The following KALRN variants were observed in gnomAD, a reference collection of about 807,000 sequenced individuals.
KALRN encodes kalirin.
Under a neutral mutation model 353.7 loss-of-function variants are expected in KALRN, and 70 were observed. The ratio of observed to expected loss-of-function variants is 0.20; its 90% CI spans 0.16 to 0.24. KALRN has a LOEUF of 0.24. KALRN is among the 10% of genes least tolerant of loss of function. The probability of loss-of-function intolerance (pLI) is 1.00; values close to 1 mark genes in which losing one functional copy is unlikely to be tolerated. For synonymous variants in KALRN, 1,391 were observed against 1,434.8 expected, an observed-to-expected ratio of 0.97 and a Z score of 0.69; for missense variants, 2,791 against 3,756.7, an observed-to-expected ratio of 0.74 and a Z score of 6.72.
At chr3:124,062,085 T>G (rs1169955706) in intron 1 of KALRN, among the ~76,000 whole-genome samples, 1 of 152,154 alleles carries the variant, frequency 6.6e-6, no homozygotes, top group African/African-American at 2.4e-5. Flanking sequence ...CTCAGGCAAT[T>G]TATTTGCACA....
chr3:124,142,923 C>G (rs144487117), intron 1 of KALRN, among the ~76,000 whole-genome samples: 343 of 152,206 alleles, frequency 2.3e-3, no homozygotes, highest in African/African-American at 7.6e-3. Flanking sequence ...GCTATCACCC[C>G]ACAAATGCCT....
rs763769483 is a variant in KALRN, at chr3:124,674,603, C to T, written c.7182C>T (p.Asp2394=). The part of the protein sequence containing the change: ...LTKATAAESS[D]GSIKKSCSWH... ...AAGCCACAGCAGCAGAAAGTAGTGA[C>T]GGGAGCATCAAGTAAGTGCCTCGTT... is the stretch of plus-strand genomic sequence containing the variant. The change falls in exon 49 of 60, where the codon GAC becomes GAT. Residue 2394 remains aspartate (D), a synonymous_variant. Coordinates refer to ENST00000682506, the MANE Select transcript of KALRN (RefSeq NM_001388419.1). The T allele has an allele frequency of 8.2e-6, 13 of 1,589,542 alleles. No individual in the cohort carries two copies. The highest frequency in any genetic ancestry group is 2.3e-5 in the South Asian group (2 of 87,796).
intron 3 of KALRN, among the ~76,000 whole-genome samples, chr3:124,254,028 C>T (rs1364314546): frequency 1.4e-5 from 2 of 143,396 alleles, no homozygotes; most frequent in African/African-American, 5.2e-5. Context: ...GGTGGCATCA[C>T]ATGAGTGGGG....
At chr3:124,563,537 C>G (rs1040602587) in intron 34 of KALRN, among the ~76,000 whole-genome samples, 3 of 152,198 alleles carry the variant, frequency 2.0e-5, no homozygotes, top group Non-Finnish European at 4.4e-5. Context: ...CAGGCACACC[C>G]AGGGAGGAGC....
intron 1 of KALRN, among the ~76,000 whole-genome samples, chr3:124,034,714 G>A (rs554678314): frequency 9.7e-4 from 148 of 152,002 alleles, no homozygotes; most frequent in African/African-American, 3.4e-3. Context: ...GGGATTCCCC[G>A]TCTCCCTGTA....
intron 37 of KALRN, among the ~76,000 whole-genome samples, chr3:124,647,109 G>A (rs2082855237): frequency 6.6e-6 from 1 of 151,880 alleles, no homozygotes; most frequent in Non-Finnish European, 1.5e-5. Flanking sequence ...GTCTCACTAT[G>A]TTGCCCAGGC....
intron 34 of KALRN, chr3:124,584,977 G>C: frequency 7.3e-7 from 1 of 1,375,124 alleles, no homozygotes; most frequent in Non-Finnish European, 9.9e-7. Context: ...AGGGAGGGTG[G>C]TAGGGAGGGA....
At chr3:124,113,349 C>CT (rs960843011) in intron 1 of KALRN, among the ~76,000 whole-genome samples, 1 of 152,130 alleles carries the variant, frequency 6.6e-6, no homozygotes, top group Non-Finnish European at 1.5e-5. Context: ...TGCCTAAAAT[C>CT]TAACTTTTGG....
intron 34 of KALRN, among the ~76,000 whole-genome samples, chr3:124,618,557 C>T (rs1202490140): frequency 6.6e-6 from 1 of 152,094 alleles, no homozygotes. Context: ...ATTACTAGGG[C>T]TGAACTTGTT....
intron 6 of KALRN, among the ~76,000 whole-genome samples, chr3:124,308,641 A>G (rs34666694): frequency 0.02 from 3,070 of 152,056 alleles, 41 homozygotes; most frequent in South Asian, 0.061. Flanking sequence ...GACACATCAT[A>G]CCACAACTTA....
At chr3:124,388,050 A>G (rs1450090596) in intron 11 of KALRN, among the ~76,000 whole-genome samples, 1 of 152,094 alleles carries the variant, frequency 6.6e-6, no homozygotes, top group Non-Finnish European at 1.5e-5. Context: ...ATGCACATAT[A>G]TGTGTACACA....
intron 34 of KALRN, among the ~76,000 whole-genome samples, chr3:124,631,326 C>T (rs1235529285): frequency 6.6e-6 from 1 of 152,176 alleles, no homozygotes; most frequent in African/African-American, 2.4e-5. Flanking sequence ...CTCCCCTGAG[C>T]TCCAGACTTG....
At chr3:124,226,960 G>A (rs1332925634) in intron 1 of KALRN, among the ~76,000 whole-genome samples, 1 of 152,164 alleles carries the variant, frequency 6.6e-6, no homozygotes, top group Non-Finnish European at 1.5e-5. Flanking sequence ...ACACATAACA[G>A]AGACCCCAGT....
chr3:124,100,035 G>A (rs930057204), intron 1 of KALRN, among the ~76,000 whole-genome samples: 17 of 152,078 alleles, frequency 1.1e-4, no homozygotes, highest in East Asian at 7.7e-4. Flanking sequence ...ATGGCAGTGC[G>A]CACCTGTAAT....
chr3:124,608,981 G>A (rs1176351361), intron 34 of KALRN, among the ~76,000 whole-genome samples: 2 of 152,182 alleles, frequency 1.3e-5, no homozygotes, highest in Admixed American at 6.5e-5. Context: ...TACCATGAAA[G>A]GTACCTTAGC....
intron 34 of KALRN, among the ~76,000 whole-genome samples, chr3:124,630,437 C>A (rs2080639304): frequency 6.6e-6 from 1 of 152,100 alleles, no homozygotes; most frequent in African/African-American, 2.4e-5. Context: ...CCCTCTGTCA[C>A]CCAGGCTGGA....
intron 34 of KALRN, 35 bp from the exon 35 acceptor site, chr3:124,632,385 C>T (rs1428114387): frequency 1.2e-6 from 2 of 1,606,600 alleles, no homozygotes; most frequent in South Asian, 2.2e-5. Context: ...GCCTTCACCA[C>T]CTCTGACATG....
At chr3:124,166,365 GA>G (rs1240901027) in intron 1 of KALRN, among the ~76,000 whole-genome samples, 1 of 152,132 alleles carries the variant, frequency 6.6e-6, no homozygotes, top group Non-Finnish European at 1.5e-5. Flanking sequence ...GTAGTGACTG[GA>G]AAGATGGTGT....
chr3:124,358,707 A>T (rs1245227183), intron 10 of KALRN, among the ~76,000 whole-genome samples: 2 of 152,166 alleles, frequency 1.3e-5, no homozygotes, highest in Non-Finnish European at 2.9e-5. Flanking sequence ...TCTTATGTTA[A>T]CTTATTTATT....
Sources: allele counts gnomAD v4.1 joint callset (sites outside exome capture counted in the v4.1 genomes callset), GRCh38; gene constraint gnomAD v4.1.1; transcripts MANE v1.5; gene names NCBI Gene and HGNC (gene_info 2026-07-23, HGNC 2026-07-21).